PDE11A: variants seen among roughly 807,000 people sequenced by gnomAD.
PDE11A encodes phosphodiesterase 11A.
In PDE11A, 100 loss-of-function variants were observed where a neutral mutation model predicts 100.5. The observed-to-expected ratio is 1.00, with a 90% CI of 0.85 to 1.18. The LOEUF (loss-of-function observed/expected upper bound fraction) is 1.18, where lower values mean the gene tolerates loss of function less well. Among genes scored for constraint, PDE11A ranks in the 50% most tolerant of loss-of-function variants. The pLI is 0.00. For missense variants in PDE11A, 1,141 were observed against 1,152.6 expected (o/e 0.99, Z 0.15); for synonymous variants, 381 against 420.8 (o/e 0.91, Z 1.16).
chr2:177,964,088 A>C (rs1356485503), intron 2 of PDE11A, among the ~76,000 whole-genome samples: 1 of 152,138 alleles, frequency 6.6e-6, no homozygotes, highest in African/African-American at 2.4e-5. Context: ...CAGGTGATAC[A>C]TATAAATAAC....
At chr2:177,981,879 A>C (rs553835040) in intron 2 of PDE11A, among the ~76,000 whole-genome samples, 2 of 151,094 alleles carry the variant, frequency 1.3e-5, no homozygotes, top group African/African-American at 4.8e-5. Context: ...ATGGAATGAC[A>C]TAGGTATGAA....
intron 5 of PDE11A, among the ~76,000 whole-genome samples, chr2:177,845,902 C>G (rs892355110): frequency 9.5e-5 from 14 of 147,108 alleles, no homozygotes; most frequent in East Asian, 2.2e-4. Context: ...TGCCTGCAAT[C>G]GCAGGCACTC....
intron 1 of PDE11A, among the ~76,000 whole-genome samples, chr2:178,065,541 C>T (rs917240286): frequency 3.9e-4 from 59 of 152,304 alleles, no homozygotes; most frequent in African/African-American, 1.3e-3. Context: ...GTGTTTATCA[C>T]GATCATGTGT....
chr2:177,655,460 T>A (rs541600114), intron 19 of PDE11A, among the ~76,000 whole-genome samples: 2 of 152,208 alleles, frequency 1.3e-5, no homozygotes, highest in Non-Finnish European at 2.9e-5. Flanking sequence ...GAACAGGAAC[T>A]AATCCATTCT....
chr2:177,989,167 G>T (rs1489799160), intron 2 of PDE11A, among the ~76,000 whole-genome samples: 1 of 152,190 alleles, frequency 6.6e-6, no homozygotes, highest in Non-Finnish European at 1.5e-5. Context: ...GCAATTGATA[G>T]TTTTAGTGCC....
intron 4 of PDE11A, among the ~76,000 whole-genome samples, chr2:177,876,350 AAG>A (rs2084241567): frequency 1.6e-5 from 2 of 124,020 alleles, no homozygotes; most frequent in African/African-American, 7.2e-5. Context: ...GTTCATCTTT[AAG>A]CTTGGCTCAT....
chr2:178,056,351 C>T (rs1433940985), intron 1 of PDE11A, among the ~76,000 whole-genome samples: 1 of 152,160 alleles, frequency 6.6e-6, no homozygotes, highest in Non-Finnish European at 1.5e-5. Flanking sequence ...CTGAGAATTG[C>T]TGGCATGGTA....
Position 177,731,862 on chromosome 2 carries a change from T to C in PDE11A, c.1789-3690A>G, listed in dbSNP as rs77726556. On this transcript the variant is annotated intron_variant, in intron 10 of 19. Transcript: ENST00000286063. ...CTAAATTACTTTCTATTCATCCATC[T>C]GTTTTCTAGCATCCAAAATTTTGTC... is the stretch of plus-strand genomic sequence containing the variant. 1.8e-3 allele frequency among the ~76,000 whole-genome samples: 278 copies of C among 152,324 alleles called. 1 individual carries two copies. Among genetic ancestry groups the C allele is most frequent in the African/African-American group, 6.5e-3 (269 of 41,576 alleles).
At chr2:178,078,350 C>T (rs766278680) in intron 2 of PDE11A, among the ~76,000 whole-genome samples, 27 of 152,208 alleles carry the variant, frequency 1.8e-4, no homozygotes, top group South Asian at 4.2e-4. Flanking sequence ...TTACTCAACC[C>T]AACACGATGC....
intron 12 of PDE11A, among the ~76,000 whole-genome samples, chr2:177,727,389 T>G (rs2081615328): frequency 6.6e-6 from 1 of 152,164 alleles, no homozygotes; most frequent in Admixed American, 6.6e-5. Context: ...GAGCATTTCT[T>G]TTGTAAAAGA....
chr2:178,096,203 G>A lies in PDE11A; in HGVS notation c.162+8099C>T, dbSNP rs189261067. On this transcript the variant is annotated intron_variant, in intron 2 of 20. Coordinates refer to the PDE11A transcript ENST00000358450. ...TTTTGAGATGGAGTCTCGCTCTGTC[G>A]CCCAGGCTGGAGTGCAGTGGCATGA... is the stretch of plus-strand genomic sequence containing the variant. Among the ~76,000 whole-genome samples the A allele has an allele frequency of 4.2e-3, 499 of 118,530 alleles. 3 individuals carry two copies. The highest frequency in any genetic ancestry group is 0.013 in the African/African-American group (373 of 28,948). 77.8% of individuals were successfully genotyped at this position (118,530 alleles called of 152,430 possible).
intron 12 of PDE11A, among the ~76,000 whole-genome samples, chr2:177,715,553 T>C (rs2081425598): frequency 6.6e-6 from 1 of 152,064 alleles, no homozygotes; most frequent in Non-Finnish European, 1.5e-5. Context: ...GATACTGGAC[T>C]TCTGGTACTG....
At chr2:177,963,682 TATG>T (rs66751867) in intron 2 of PDE11A, among the ~76,000 whole-genome samples, 85,315 of 151,846 alleles carry the variant, frequency 0.56, 26,624 homozygotes, top group African/African-American at 0.84. Flanking sequence ...TCTGCAGAAA[TATG>T]ATATCTGAAA....
intron 2 of PDE11A, among the ~76,000 whole-genome samples, chr2:177,910,420 CTCTCTCTCTATATA>C (rs1223024056): frequency 2.9e-4 from 25 of 87,348 alleles, no homozygotes; most frequent in African/African-American, 1.6e-3. Flanking sequence ...CTGTCTCTCT[CTCTCTCTCTATATA>C]TATATATATA....
chr2:178,058,836 T>C (rs111449306), intron 1 of PDE11A, among the ~76,000 whole-genome samples: 2 of 152,238 alleles, frequency 1.3e-5, no homozygotes, highest in African/African-American at 4.8e-5. Flanking sequence ...GTCATACAGA[T>C]AAATTACTAT....
chr2:178,008,735 C>T (rs2105823404), intron 2 of PDE11A, among the ~76,000 whole-genome samples: 1 of 152,278 alleles, frequency 6.6e-6, no homozygotes, highest in Admixed American at 6.5e-5. Flanking sequence ...GCACCATCCT[C>T]AACACCAGTT....
chr2:177,789,062 C>A (rs2082586915), intron 9 of PDE11A, among the ~76,000 whole-genome samples: 1 of 152,112 alleles, frequency 6.6e-6, no homozygotes, highest in South Asian at 2.1e-4. Context: ...ATTCTGATAC[C>A]AAAGCCGGGC....
chr2:177,856,280 G>A (rs1235120223), intron 5 of PDE11A, among the ~76,000 whole-genome samples: 1 of 151,978 alleles, frequency 6.6e-6, no homozygotes, highest in African/African-American at 2.4e-5. Context: ...GCAACAAACA[G>A]AAATGACAAC....
chr2:177,810,681 G>A (rs1427431728), intron 9 of PDE11A, among the ~76,000 whole-genome samples: 1 of 152,050 alleles, frequency 6.6e-6, no homozygotes, highest in Admixed American at 6.5e-5. Context: ...AGTTTGGTAT[G>A]AGATTTCTGA....
Sources: allele counts gnomAD v4.1 joint callset (sites outside exome capture counted in the v4.1 genomes callset), GRCh38; gene constraint gnomAD v4.1.1; transcripts MANE v1.5; gene names NCBI Gene and HGNC (gene_info 2026-07-23, HGNC 2026-07-21).